USP8: variants seen among roughly 807,000 people sequenced by gnomAD.
The protein encoded by USP8 is ubiquitin specific peptidase 8.
Under a neutral mutation model 130.0 loss-of-function variants are expected in USP8, and 27 were observed. That is an observed-to-expected ratio of 0.21 (90% confidence interval 0.15 to 0.29). The LOEUF is 0.29. USP8 is among the 10% of genes least tolerant of loss of function. The pLI, the probability that USP8 is intolerant of heterozygous loss-of-function variation, is 1.00. For synonymous variants in USP8, 392 were observed against 444.1 expected (o/e 0.88, Z 1.48); for missense variants, 1,029 against 1,312.2 (o/e 0.78, Z 3.33).
rs1364081632 is a variant in USP8, at chr15:50,504,328, C to G, written c.*5240C>G. On this transcript the variant is annotated 3_prime_UTR_variant, in exon 20 of 20. Transcript: ENST00000307179. ...ACTGCTTGAGCCCAGGAGTTGTAGA[C>G]CAGCCTGGGCAACATGGCAAAACCC... is the stretch of plus-strand genomic sequence containing the variant. 6.6e-6 allele frequency: 1 copy of G among 152,188 alleles called. No individual in the cohort carries two copies. Among genetic ancestry groups the G allele is most frequent in the Admixed American group, 6.6e-5 (1 of 15,260 alleles). 9.4% of individuals were successfully genotyped at this position (152,188 alleles called of 1,614,324 possible).
chr15:50,469,662 T>C (rs999178697), intron 7 of USP8, among the ~76,000 whole-genome samples: 2 of 152,136 alleles, frequency 1.3e-5, no homozygotes, highest in Admixed American at 6.5e-5. Flanking sequence ...AATGATCTTA[T>C]TTGGTTTTAC....
chr15:50,488,837 C>T (rs1243512674), intron 12 of USP8, among the ~76,000 whole-genome samples: 1 of 151,456 alleles, frequency 6.6e-6, no homozygotes, highest in Non-Finnish European at 1.5e-5. Context: ...CCTCCCAAAG[C>T]GCTGGGATTA....
At chr15:50,477,520 T>C (rs2051607804) in intron 10 of USP8, 21 bp downstream of exon 10, 2 of 1,588,628 alleles carry the variant, frequency 1.3e-6, no homozygotes, top group African/African-American at 1.4e-5. Context: ...GATTTTAACA[T>C]TATTCTCGCT....
chr15:50,494,964 G>A (rs1038891190), intron 16 of USP8, among the ~76,000 whole-genome samples: 1 of 150,622 alleles, frequency 6.6e-6, no homozygotes. Flanking sequence ...GCAGTGAGCC[G>A]AGATTGCAGT....
chr15:50,467,396 GTCC>G (rs2051228643), intron 7 of USP8, among the ~76,000 whole-genome samples: 1 of 152,122 alleles, frequency 6.6e-6, no homozygotes, highest in Non-Finnish European at 1.5e-5. Context: ...TTATGTTACA[GTCC>G]TTTTGAGTTA....
intron 2 of USP8, among the ~76,000 whole-genome samples, chr15:50,439,975 C>G (rs940840838): frequency 6.6e-6 from 1 of 152,050 alleles, no homozygotes; most frequent in African/African-American, 2.4e-5. Flanking sequence ...ATAATCCCAG[C>G]TAGTGGGGGG....
Position 50,497,193 on chromosome 15 carries a change from C to G in USP8, c.3000C>G (p.Ile1000Met). The G allele has an allele frequency of 6.2e-7, 1 of 1,610,972 alleles. No homozygotes were observed. The highest frequency in any genetic ancestry group is 1.7e-5 in the Admixed American group (1 of 59,498). ...ARRDSLKKIE[I>M]WKLPPVLLVH... ...GGGATTCTCTAAAAAAGATAGAAATCTGGAAGTTACCACCTGTGCTTTTAG... is the reference window on the plus strand; with the variant it reads ...GGGATTCTCTAAAAAAGATAGAAATGTGGAAGTTACCACCTGTGCTTTTAG... Residue 1000 changes from isoleucine (I) to methionine (M), a missense_variant, in exon 18 of 20, where the codon ATC becomes ATG. Coordinates refer to ENST00000307179, the MANE Select transcript of USP8 (RefSeq NM_005154.5).
intron 17 of USP8, among the ~76,000 whole-genome samples, chr15:50,496,480 T>TAAA (rs35899607): frequency 6.0e-4 from 70 of 116,478 alleles, no homozygotes; most frequent in African/African-American, 1.5e-3. Flanking sequence ...GACTCCGTCT[T>TAAA]AAAAAAAAAA....
intron 12 of USP8, among the ~76,000 whole-genome samples, chr15:50,488,138 C>T (rs943129424): frequency 9.9e-5 from 15 of 152,190 alleles, no homozygotes; most frequent in African/African-American, 3.6e-4. Context: ...ATATTTTTCA[C>T]ATGTGGATTG....
chr15:50,469,571 T>A (rs2051306573), intron 7 of USP8, among the ~76,000 whole-genome samples: 2 of 152,150 alleles, frequency 1.3e-5, no homozygotes, highest in South Asian at 4.1e-4. Flanking sequence ...GTAGACAATA[T>A]TTTATATTTC....
intron 7 of USP8, among the ~76,000 whole-genome samples, chr15:50,465,864 A>G (rs923318042): frequency 1.2e-4 from 18 of 152,230 alleles, no homozygotes; most frequent in Admixed American, 6.5e-5. Context: ...TAACATTTCT[A>G]AGCTCAGGTT....
At chr15:50,455,775 A>G (rs1326521596) in intron 4 of USP8, among the ~76,000 whole-genome samples, 1 of 152,106 alleles carries the variant, frequency 6.6e-6, no homozygotes, top group Non-Finnish European at 1.5e-5. Flanking sequence ...CATTCTTTTC[A>G]ATTCTTCTAA....
In USP8 at chr15:50,441,355, G is replaced by T; in HGVS notation, c.111G>T (p.Val37=). The T allele has an allele frequency of 1.3e-6, 2 of 1,588,094 alleles. No individual in the cohort carries two copies. The highest frequency in any genetic ancestry group is 1.7e-6 in the Non-Finnish European group (2 of 1,173,964). The stretch of plus-strand genomic sequence containing the variant: ...TTTTTTCTCTAATTTTAAGTTATGT[G>T]CACAGTGCCCTGAAGATCTTTAAGA... ...KPEKISTKSY[V]HSALKIFKTA... The change falls in exon 3 of 20, where the codon GTG becomes GTT. Residue 37 remains valine (V), a synonymous_variant. Coordinates refer to ENST00000307179, the MANE Select transcript of USP8 (RefSeq NM_005154.5).
chr15:50,501,858 GTAA>G lies in USP8; in HGVS notation c.*2776_*2778del, dbSNP rs2052594441. The G allele has an allele frequency of 6.6e-6, 1 of 152,112 alleles. No homozygotes were observed. Among genetic ancestry groups the G allele is most frequent in the Non-Finnish European group, 1.5e-5 (1 of 68,026 alleles). 9.4% of individuals were successfully genotyped at this position (152,112 alleles called of 1,614,324 possible). A position where few individuals can be genotyped will look rare whatever the true frequency, so the allele number is the denominator to read the frequency against. On this transcript the variant is annotated 3_prime_UTR_variant, in exon 20 of 20. Coordinates refer to ENST00000307179, the MANE Select transcript of USP8 (RefSeq NM_005154.5). ...TTATATGGTTGGGGAAAAGATCCAA[GTAA>G]TAATAGTATTGTTATATGTGAAAAT...
chr15:50,479,640 G>A (rs1380330206), intron 10 of USP8, among the ~76,000 whole-genome samples: 1 of 151,512 alleles, frequency 6.6e-6, no homozygotes, highest in African/African-American at 2.4e-5. Context: ...CCCCATAGTG[G>A]TTCTTCCTAC....
chr15:50,464,122 G>A (rs2051103847), intron 6 of USP8, among the ~76,000 whole-genome samples: 1 of 151,846 alleles, frequency 6.6e-6, no homozygotes, highest in African/African-American at 2.4e-5. Context: ...AGAGTCCTGT[G>A]GTCTCTGACA....
At chr15:50,429,967 T>C (rs901336647) in intron 1 of USP8, among the ~76,000 whole-genome samples, 9 of 152,208 alleles carry the variant, frequency 5.9e-5, no homozygotes, top group African/African-American at 2.2e-4. Flanking sequence ...AGTTACCCTT[T>C]TGTTAGTTTC....
chr15:50,496,880 C>CTG, intron 17 of USP8: 1 of 500,338 alleles, frequency 2.0e-6, no homozygotes, highest in Non-Finnish European at 3.4e-6. Context: ...TCACAACACA[C>CTG]TGTAGGTAGC....
At chr15:50,433,742 A>T (rs567892839) in intron 1 of USP8, among the ~76,000 whole-genome samples, 1 of 152,140 alleles carries the variant, frequency 6.6e-6, no homozygotes, top group South Asian at 2.1e-4. Context: ...AGTAGCTGGG[A>T]CTACAGGTGC....
Sources: gnomAD v4.1 joint callset for allele counts (sites outside exome capture counted in the v4.1 genomes callset) on GRCh38, gnomAD v4.1.1 for gene constraint, MANE v1.5 for transcripts, NCBI Gene and HGNC (gene_info 2026-07-23, HGNC 2026-07-21) for gene names.